The following VPS50 variants were observed in gnomAD, a reference collection of about 807,000 sequenced individuals.
VPS50 encodes the protein syndetin.
In VPS50, 70 loss-of-function variants were observed where a neutral mutation model predicts 139.7. That is an observed-to-expected ratio of 0.50 (90% CI 0.41 to 0.61). The LOEUF (loss-of-function observed/expected upper bound fraction) is 0.61. Ranked by LOEUF, VPS50 falls within the 20% of genes least tolerant of loss-of-function variation. The pLI is 0.00. For synonymous variants in VPS50, 365 were observed against 376.7 expected (o/e 0.97, Z 0.36); for missense variants, 921 against 1,133.7 (o/e 0.81, Z 2.69).
intron 26 of VPS50, among the ~76,000 whole-genome samples, chr7:93,355,009 A>G (rs1737293058): frequency 6.6e-6 from 1 of 152,164 alleles, no homozygotes; most frequent in South Asian, 2.1e-4. Flanking sequence ...AGTGCTATAA[A>G]TTATAAAAAG....
rs989469192 is a variant in VPS50, at chr7:93,336,142, A to C, written c.2058+1945A>C. ...AATAATTTATAGCTTAATCAATCTGAAACCAACTAGATGGAAGTAATATTT... is the reference window on the plus strand; with the variant it reads ...AATAATTTATAGCTTAATCAATCTGCAACCAACTAGATGGAAGTAATATTT... On this transcript the variant is annotated intron_variant, in intron 22 of 27. Coordinates refer to ENST00000305866, the MANE Select transcript of VPS50 (RefSeq NM_017667.4). Among the ~76,000 whole-genome samples, 3 of 152,192 alleles carry C rather than the reference A, an allele frequency of 2.0e-5. No homozygotes were observed. The East Asian group carries it at 5.8e-4, about 29-fold the overall frequency.
chr7:93,276,428 A>G, intron 12 of VPS50, 123 bp downstream of exon 12: 2 of 1,325,276 alleles, frequency 1.5e-6, no homozygotes, highest in South Asian at 4.4e-5. Context: ...TTTGCCAAAA[A>G]TTTTTTTTCT....
intron 16 of VPS50, among the ~76,000 whole-genome samples, chr7:93,301,949 C>T (rs1020772776): frequency 3.9e-5 from 6 of 152,162 alleles, no homozygotes; most frequent in African/African-American, 1.2e-4. Flanking sequence ...CTGATTATGG[C>T]TGTCCTAGTA....
chr7:93,257,745 A>G, intron 6 of VPS50: 1 of 273,616 alleles, frequency 3.7e-6, no homozygotes, highest in Non-Finnish European at 6.7e-6. Flanking sequence ...TCTTTCTAAA[A>G]TTTCCAATCT....
chr7:93,266,068 TTC>T (rs1291517227), intron 9 of VPS50, among the ~76,000 whole-genome samples: 1 of 152,218 alleles, frequency 6.6e-6, no homozygotes, highest in African/African-American at 2.4e-5. Flanking sequence ...TGCTGATAAA[TTC>T]TCTGCTTCCT....
Position 93,303,502 on chromosome 7 carries a change from T to C in VPS50, c.1404T>C (p.Thr468=), listed in dbSNP as rs1187793395. 6.9e-6 allele frequency: 11 copies of C among 1,587,160 alleles called. No homozygotes were observed. Among genetic ancestry groups the C allele is most frequent in the Non-Finnish European group, 9.5e-6 (11 of 1,161,318 alleles). Residue 468 remains threonine (T), a synonymous_variant, in exon 17 of 28, where the codon ACT becomes ACC. Transcript: ENST00000305866. The part of the protein sequence containing the change: ...DELRMFLENE[T]WELCPVKSNF... Reference sequence around the variant, plus strand: ...TGAGAATGTTCTTAGAGAATGAGACTTGGGAACTTTGTCCTGTTAAGTCAA... The same window carrying C: ...TGAGAATGTTCTTAGAGAATGAGACCTGGGAACTTTGTCCTGTTAAGTCAA...
intron 23 of VPS50, among the ~76,000 whole-genome samples, chr7:93,343,947 T>G (rs1412541468): frequency 6.6e-6 from 1 of 152,090 alleles, no homozygotes; most frequent in East Asian, 1.9e-4. Context: ...CCAGCTAACA[T>G]CATAATGACA....
At chr7:93,261,696 AAAAGAAAT>A (rs1394408499) in intron 9 of VPS50, among the ~76,000 whole-genome samples, 1 of 151,516 alleles carries the variant, frequency 6.6e-6, no homozygotes, top group African/African-American at 2.4e-5. Context: ...AAAAAAAAAA[AAAAGAAAT>A]TAGGCTGTAG....
chr7:93,342,768 G>A (rs1245126488), intron 23 of VPS50, among the ~76,000 whole-genome samples: 1 of 152,118 alleles, frequency 6.6e-6, no homozygotes. Context: ...TGCAGCTGAG[G>A]GTCTTGTCTG....
At chr7:93,262,437 A>G (rs1795714287) in intron 9 of VPS50, among the ~76,000 whole-genome samples, 1 of 152,224 alleles carries the variant, frequency 6.6e-6, no homozygotes, top group Non-Finnish European at 1.5e-5. Flanking sequence ...TGAGGTTAAA[A>G]GGTTGAAATG....
chr7:93,359,490 CTTCTCCTAATGTAT>C lies in VPS50; in HGVS notation c.*1055_*1068del, dbSNP rs1276910632. ...TAAACTTTGCCCTGAAGCCAGGGAT[CTTCTCCTAATGTAT>C]GTGACATAAAAATCCATTTTCCATG... On this transcript the variant is annotated 3_prime_UTR_variant, in exon 28 of 28. Coordinates refer to ENST00000305866, the MANE Select transcript of VPS50 (RefSeq NM_017667.4). 1 of 152,148 alleles carries C rather than the reference CTTCTCCTAATGTAT, an allele frequency of 6.6e-6. No individual in the cohort carries two copies. Among genetic ancestry groups the C allele is most frequent in the African/African-American group, 2.4e-5 (1 of 41,434 alleles). The allele number at this position is 152,148 out of a possible 1,614,324, so 9.4% of individuals were successfully genotyped here.
intron 9 of VPS50, among the ~76,000 whole-genome samples, chr7:93,261,258 C>G (rs562175797): frequency 6.6e-5 from 10 of 152,068 alleles, no homozygotes; most frequent in Non-Finnish European, 1.5e-4. Context: ...AGTGTTTATG[C>G]CAGGTACTTT....
chr7:93,299,826 A>G (rs1162106499), intron 16 of VPS50, among the ~76,000 whole-genome samples: 1 of 152,148 alleles, frequency 6.6e-6, no homozygotes, highest in Non-Finnish European at 1.5e-5. Flanking sequence ...TACTAAGTTT[A>G]TATACACCCA....
chr7:93,251,136 C>G (rs976348938), intron 2 of VPS50, among the ~76,000 whole-genome samples: 1 of 152,184 alleles, frequency 6.6e-6, no homozygotes, highest in African/African-American at 2.4e-5. Context: ...CCTCAAGGAT[C>G]TAGAACTAGA....
chr7:93,257,760 C>T, intron 6 of VPS50: 2 of 261,164 alleles, frequency 7.7e-6, no homozygotes, highest in South Asian at 1.2e-4. Flanking sequence ...CAATCTGTTA[C>T]AGGCTGTGAT....
At chr7:93,271,814 T>A (rs886531029) in intron 10 of VPS50, among the ~76,000 whole-genome samples, 3 of 151,822 alleles carry the variant, frequency 2.0e-5, no homozygotes, top group Non-Finnish European at 4.4e-5. Context: ...GTATTCATTT[T>A]AATAAATAAG....
chr7:93,274,358 T>C (rs970762546), intron 11 of VPS50, among the ~76,000 whole-genome samples: 3 of 152,126 alleles, frequency 2.0e-5, no homozygotes, highest in Admixed American at 2.0e-4. Context: ...CTAAGGCATG[T>C]GAAGACTTTA....
At chr7:93,355,215 T>C (rs1033552343) in intron 26 of VPS50, among the ~76,000 whole-genome samples, 5 of 152,084 alleles carry the variant, frequency 3.3e-5, no homozygotes, top group East Asian at 3.8e-4. Flanking sequence ...CACAGTTGAA[T>C]TTTCCATGTT....
chr7:93,283,851 A>G (rs1796402568), intron 12 of VPS50, among the ~76,000 whole-genome samples: 1 of 152,190 alleles, frequency 6.6e-6, no homozygotes, highest in Non-Finnish European at 1.5e-5. Context: ...AAGGAATAGT[A>G]GATTGTCTGG....
Sources: allele counts gnomAD v4.1 joint callset (sites outside exome capture counted in the v4.1 genomes callset), GRCh38; gene constraint gnomAD v4.1.1; transcripts MANE v1.5; gene names NCBI Gene and HGNC (gene_info 2026-07-23, HGNC 2026-07-21).